ERO1B: variants seen among roughly 807,000 people sequenced by gnomAD.
ERO1B encodes endoplasmic reticulum oxidoreductase 1 beta.
ERO1B carries 49 observed loss-of-function variants against 75.3 expected under a neutral mutation model. The ratio of observed to expected loss-of-function variants is 0.65; its 90% confidence interval spans 0.52 to 0.83. The LOEUF (loss-of-function observed/expected upper bound fraction) is 0.83, where lower values mean the gene tolerates loss of function less well. ERO1B is among the 40% of genes least tolerant of loss of function. ERO1B has a pLI of 0.00. For synonymous variants in ERO1B, 191 were observed against 192.9 expected, an observed-to-expected ratio of 0.99 and a Z score of 0.08; for missense variants, 512 against 560.1, an observed-to-expected ratio of 0.91 and a Z score of 0.87.
chr1:236,268,735 T>A (rs536666455), intron 2 of ERO1B, among the ~76,000 whole-genome samples: 66 of 148,930 alleles, frequency 4.4e-4, no homozygotes, highest in Non-Finnish European at 6.6e-4. Context: ...AAATACAAAA[T>A]ATTAGCCGTG....
intron 4 of ERO1B, chr1:236,251,516 A>G: frequency 2.1e-6 from 2 of 940,688 alleles, no homozygotes; most frequent in Non-Finnish European, 2.5e-6. Flanking sequence ...CACAAGAAGG[A>G]GACAGAGAGA....
chr1:236,254,922 C>CT (rs60728524), intron 2 of ERO1B, among the ~76,000 whole-genome samples: 8,235 of 140,942 alleles, frequency 0.058, 584 homozygotes, highest in East Asian at 0.41. Flanking sequence ...CGGTCTTTAT[C>CT]TTTTTTTTTT....
intron 4 of ERO1B, among the ~76,000 whole-genome samples, chr1:236,250,613 A>ATT (rs1449121260): frequency 2.2e-5 from 1 of 46,188 alleles, no homozygotes; most frequent in Admixed American, 2.6e-4. Flanking sequence ...ATATATATAT[A>ATT]TATATCAAAC....
chr1:236,279,637 C>T (rs962383629), intron 1 of ERO1B, among the ~76,000 whole-genome samples: 38 of 149,510 alleles, frequency 2.5e-4, no homozygotes, highest in African/African-American at 8.9e-4. Context: ...AAGACCAGCT[C>T]GGCCAACATG....
At chr1:236,239,847 ATG>A (rs1407501038) in intron 6 of ERO1B, among the ~76,000 whole-genome samples, 2 of 15,148 alleles carry the variant, frequency 1.3e-4, no homozygotes, top group Non-Finnish European at 1.1e-3. Context: ...GTATATATAT[ATG>A]TGTATATATG....
At position 236,253,638 on chromosome 1, in the gene ERO1B, G is replaced by T. The variant is rs1268259221; in HGVS notation, c.223-133C>A. 3 of 628,270 alleles carry T rather than the reference G, an allele frequency of 4.8e-6. No individual in the cohort carries two copies. In the African/African-American group the frequency reaches 5.6e-5, roughly 12 times the overall value. The allele number at this position is 628,270 out of a possible 1,614,324, so 38.9% of individuals were successfully genotyped here. On this transcript the variant is annotated intron_variant, in intron 2 of 15. Coordinates refer to ENST00000354619, the MANE Select transcript of ERO1B (RefSeq NM_019891.4). ...TTCCTATCCTCGTGGCACCTATAAG[G>T]TTCAGAATTTAAAATGACAGCAATG...
intron 2 of ERO1B, among the ~76,000 whole-genome samples, chr1:236,267,443 A>C (rs1355212376): frequency 6.6e-6 from 1 of 152,216 alleles, no homozygotes; most frequent in African/African-American, 2.4e-5. Flanking sequence ...CAAACATTCA[A>C]ATATTTGAGT....
intron 15 of ERO1B, among the ~76,000 whole-genome samples, chr1:236,219,485 C>T (rs1299645150): frequency 6.6e-6 from 1 of 152,080 alleles, no homozygotes; most frequent in African/African-American, 2.4e-5. Flanking sequence ...TTGTTTTCAT[C>T]TTTCTCAATT....
At position 236,215,160 on chromosome 1, in the gene ERO1B, T is replaced by C. The variant is rs1357337975; in HGVS notation, c.*3356A>G. On this transcript the variant is annotated 3_prime_UTR_variant, in exon 16 of 16. Coordinates refer to ENST00000354619, the MANE Select transcript of ERO1B (RefSeq NM_019891.4). ...AAACAATGCTTTTAATTGTTCCCAC[T>C]TTGTAGCTGAATGGAAATAGGCCAA... Among the ~76,000 whole-genome samples, 1 of 152,248 alleles carries C rather than the reference T, an allele frequency of 6.6e-6. No homozygotes were observed. The highest frequency in any genetic ancestry group is 2.4e-5 in the African/African-American group (1 of 41,478).
intron 5 of ERO1B, among the ~76,000 whole-genome samples, chr1:236,247,113 T>C (rs1553372253): frequency 6.6e-6 from 1 of 152,164 alleles, no homozygotes; most frequent in Non-Finnish European, 1.5e-5. Context: ...CCCTAGATCA[T>C]TCCTCTATTT....
chr1:236,274,233 C>T lies in ERO1B; in HGVS notation c.103-4239G>A, dbSNP rs149155900. Among the ~76,000 whole-genome samples, 1,124 of 152,252 alleles carry T rather than the reference C, an allele frequency of 7.4e-3. 12 individuals carry two copies. The highest frequency in any genetic ancestry group is 0.025 in the African/African-American group (1,048 of 41,544). ...TCCTGGCCTCCAGTGATCCGCCTGC[C>T]TCAGCCTCTCAAAGTGCTGGGATTG... On this transcript the variant is annotated intron_variant, in intron 1 of 15. Transcript: ENST00000354619.
intron 1 of ERO1B, among the ~76,000 whole-genome samples, chr1:236,274,037 G>A (rs1159272880): frequency 8.5e-5 from 12 of 141,182 alleles, no homozygotes; most frequent in African/African-American, 2.1e-4. Flanking sequence ...AAGCAAGAGC[G>A]CAGGATCACA....
At chr1:236,231,958 T>G (rs1664421585) in intron 9 of ERO1B, among the ~76,000 whole-genome samples, 1 of 152,136 alleles carries the variant, frequency 6.6e-6, no homozygotes, top group Non-Finnish European at 1.5e-5. Flanking sequence ...AAGGGTCTCT[T>G]TACTGTCTCC....
intron 13 of ERO1B, among the ~76,000 whole-genome samples, chr1:236,222,893 C>T (rs957763645): frequency 6.6e-6 from 1 of 152,084 alleles, no homozygotes; most frequent in Admixed American, 6.6e-5. Context: ...TTACTGGATC[C>T]CTCTATTTTG....
intron 2 of ERO1B, among the ~76,000 whole-genome samples, chr1:236,254,864 TGG>T (rs1665122856): frequency 6.6e-6 from 1 of 151,918 alleles, no homozygotes; most frequent in African/African-American, 2.4e-5. Flanking sequence ...CCGCCTGCCT[TGG>T]CCTCCCAAAG....
rs1221371552 is a variant in ERO1B, at chr1:236,281,733, C to G, written c.51G>C (p.Ala17=). 1.3e-6 allele frequency: 2 copies of G among 1,516,188 alleles called. No homozygotes were observed. The highest frequency in any genetic ancestry group is 1.2e-5 in the South Asian group (1 of 81,406). 93.9% of individuals were successfully genotyped at this position (1,516,188 alleles called of 1,614,324 possible). A position where few individuals can be genotyped will look rare whatever the true frequency, so the allele number is the denominator to read the frequency against. ...RAGAGQGVAA[A]VQLLVTLSFL... ...AGCTCAGGGTGACCAGCAGCTGCACCGCGGCCGCTACCCCCTGCCCAGCGC... is the reference window on the plus strand; with the variant it reads ...AGCTCAGGGTGACCAGCAGCTGCACGGCGGCCGCTACCCCCTGCCCAGCGC... Residue 17 remains alanine, a synonymous_variant, in exon 1 of 16, where the codon GCG becomes GCC. Transcript: ENST00000354619.
rs554964070 is a variant in ERO1B, at chr1:236,236,115, C to T, written c.626+163G>A. 7.2e-5 allele frequency among the ~76,000 whole-genome samples: 11 copies of T among 152,192 alleles called. No individual in the cohort carries two copies. The South Asian group carries it at 1.7e-3, about 23-fold the overall frequency. ...AATTTTTTTGTATTTTTAGTTGACA[C>T]GGGGTTTCACCATGTTGGCCAGGCT... On this transcript the variant is annotated intron_variant, in intron 7 of 15. Coordinates refer to ENST00000354619, the MANE Select transcript of ERO1B (RefSeq NM_019891.4).
chr1:236,275,809 C>A (rs1433372127), intron 1 of ERO1B, among the ~76,000 whole-genome samples: 1 of 152,140 alleles, frequency 6.6e-6, no homozygotes, highest in Non-Finnish European at 1.5e-5. Context: ...TTAAAGGGCT[C>A]TATGTCAGCA....
rs1001503275 is a variant in ERO1B at position 236,216,677 on chromosome 1, A to G, written c.*1839T>C. On this transcript the variant is annotated 3_prime_UTR_variant, in exon 16 of 16. Coordinates refer to ENST00000354619, the MANE Select transcript of ERO1B (RefSeq NM_019891.4). ...TTTTCTCCAGTAAACAGTTTAAATA[A>G]TAGCCTTTAACTGAGGGAGTGGTGA... The G allele has an allele frequency of 6.6e-6, 1 of 152,108 alleles. No individual in the cohort carries two copies. The highest frequency in any genetic ancestry group is 2.4e-5 in the African/African-American group (1 of 41,440). The allele number at this position is 152,108 out of a possible 1,614,324, so 9.4% of individuals were successfully genotyped here.
Sources: gnomAD v4.1 joint callset for allele counts (sites outside exome capture counted in the v4.1 genomes callset) on GRCh38, gnomAD v4.1.1 for gene constraint, MANE v1.5 for transcripts, NCBI Gene and HGNC (gene_info 2026-07-23, HGNC 2026-07-21) for gene names.